SORCS3: variants seen among roughly 807,000 people sequenced by gnomAD.
SORCS3 encodes VPS10 domain-containing receptor SorCS3.
SORCS3 carries 57 observed loss-of-function variants against 146.3 expected under a neutral mutation model. The observed-to-expected ratio is 0.39, with a 90% CI of 0.31 to 0.49. The LOEUF (loss-of-function observed/expected upper bound fraction) is 0.49. Ranked by LOEUF, SORCS3 falls within the 20% of genes least tolerant of loss-of-function variation. The pLI, the probability that SORCS3 is intolerant of heterozygous loss-of-function variation, is 0.92. For missense variants in SORCS3, 1,341 were observed against 1,575.5 expected (o/e 0.85, Z 2.52); for synonymous variants, 653 against 618.5 (o/e 1.06, Z -0.83).
intron 5 of SORCS3, among the ~76,000 whole-genome samples, chr10:105,048,650 T>C (rs1224576336): frequency 1.1e-4 from 16 of 151,640 alleles, no homozygotes; most frequent in African/African-American, 2.7e-4. Flanking sequence ...CTAACCTGCA[T>C]GTTGTGCACA....
chr10:105,259,545 G>T (rs773111538), intron 25 of SORCS3, among the ~76,000 whole-genome samples: 1 of 152,126 alleles, frequency 6.6e-6, no homozygotes, highest in South Asian at 2.1e-4. Context: ...CTGGCCTCTC[G>T]CAGGCTCTCT....
chr10:105,032,430 A>G (rs1162823565), intron 4 of SORCS3, among the ~76,000 whole-genome samples: 1 of 152,172 alleles, frequency 6.6e-6, no homozygotes, highest in African/African-American at 2.4e-5. Flanking sequence ...TCCTCCATAT[A>G]TATGAGTTTC....
At chr10:105,127,696 C>T (rs2055985887) in intron 7 of SORCS3, among the ~76,000 whole-genome samples, 1 of 152,044 alleles carries the variant, frequency 6.6e-6, no homozygotes, top group African/African-American at 2.4e-5. Context: ...CAGCAAGAGA[C>T]CCCAAAAGGA....
intron 3 of SORCS3, among the ~76,000 whole-genome samples, chr10:104,922,578 AG>A (rs1316690493): frequency 6.6e-6 from 1 of 152,218 alleles, no homozygotes; most frequent in African/African-American, 2.4e-5. Flanking sequence ...TGTGAAAATG[AG>A]GGCCCAGCAT....
intron 3 of SORCS3, among the ~76,000 whole-genome samples, chr10:104,966,293 G>A (rs76383320): frequency 0.01 from 1,546 of 152,196 alleles, 24 homozygotes; most frequent in African/African-American, 0.036. Flanking sequence ...AGTAAAAGCC[G>A]TATCTACAGT....
At chr10:105,192,624 A>C (rs558515397) in intron 14 of SORCS3, among the ~76,000 whole-genome samples, 1 of 152,294 alleles carries the variant, frequency 6.6e-6, no homozygotes, top group East Asian at 1.9e-4. Context: ...ATCAAACTCA[A>C]CAATATTATC....
intron 1 of SORCS3, among the ~76,000 whole-genome samples, chr10:104,675,817 T>C (rs971478535): frequency 2.6e-5 from 4 of 152,248 alleles, no homozygotes; most frequent in Non-Finnish European, 4.4e-5. Flanking sequence ...TATCTTTTTT[T>C]CCTTCATAAT....
intron 14 of SORCS3, among the ~76,000 whole-genome samples, chr10:105,199,133 C>T (rs937185253): frequency 3.9e-5 from 6 of 152,160 alleles, no homozygotes; most frequent in Middle Eastern, 3.4e-3. Flanking sequence ...GTTTTAAGTT[C>T]GCAGCATGAT....
chr10:105,052,825 A>T (rs2055422339), intron 5 of SORCS3, among the ~76,000 whole-genome samples: 2 of 152,042 alleles, frequency 1.3e-5, no homozygotes, highest in Non-Finnish European at 1.5e-5. Flanking sequence ...TGCAGGTTGG[A>T]TACTTGGTTG....
At chr10:105,092,625 A>ACG (rs1394642931) in intron 6 of SORCS3, among the ~76,000 whole-genome samples, 2 of 151,896 alleles carry the variant, frequency 1.3e-5, no homozygotes, top group Non-Finnish European at 2.9e-5. Flanking sequence ...ACACACACAC[A>ACG]CACACACACA....
At chr10:104,877,607 A>G (rs1399659382) in intron 2 of SORCS3, among the ~76,000 whole-genome samples, 1 of 152,210 alleles carries the variant, frequency 6.6e-6, no homozygotes, top group East Asian at 1.9e-4. Flanking sequence ...CATTCTCAAT[A>G]GGCTCAGAAT....
At chr10:105,075,875 G>C (rs1266056217) in intron 5 of SORCS3, among the ~76,000 whole-genome samples, 1 of 152,164 alleles carries the variant, frequency 6.6e-6, no homozygotes, top group Non-Finnish European at 1.5e-5. Flanking sequence ...CAGTAACTTA[G>C]TCAAAACTAC....
At chr10:104,714,634 T>A (rs1242972011) in intron 1 of SORCS3, among the ~76,000 whole-genome samples, 2 of 152,244 alleles carry the variant, frequency 1.3e-5, no homozygotes, top group Non-Finnish European at 2.9e-5. Context: ...GGATTTCTAT[T>A]CTTTTAAACT....
intron 6 of SORCS3, among the ~76,000 whole-genome samples, chr10:105,100,621 CT>C (rs1364564230): frequency 6.6e-6 from 1 of 152,194 alleles, no homozygotes; most frequent in Non-Finnish European, 1.5e-5. Context: ...AGCCCATATA[CT>C]TTCTTTCTTG....
intron 2 of SORCS3, among the ~76,000 whole-genome samples, chr10:104,868,329 G>A (rs1378404793): frequency 2.0e-5 from 3 of 152,200 alleles, no homozygotes; most frequent in Non-Finnish European, 2.9e-5. Context: ...TATGAGCAAA[G>A]TTCTAACCCC....
At chr10:105,039,272 C>T (rs1252567409) in intron 4 of SORCS3, among the ~76,000 whole-genome samples, 1 of 152,084 alleles carries the variant, frequency 6.6e-6, no homozygotes, top group African/African-American at 2.4e-5. Flanking sequence ...TAACTCAAAG[C>T]CCTTAATGAA....
chr10:104,857,894 G>T (rs1377779805), intron 2 of SORCS3, among the ~76,000 whole-genome samples: 1 of 152,176 alleles, frequency 6.6e-6, no homozygotes, highest in African/African-American at 2.4e-5. Context: ...TTCATTCCTC[G>T]GTGAGGATCT....
In SORCS3 at chr10:104,907,127, C is replaced by CTGTGTGTGTG. The variant is rs139418206; in HGVS notation, c.696-8688_696-8679dup. Among the ~76,000 whole-genome samples the CTGTGTGTGTG allele has an allele frequency of 8.0e-3, 1,182 of 147,970 alleles. 10 individuals are homozygous for CTGTGTGTGTG. The highest frequency in any genetic ancestry group is 0.017 in the African/African-American group (698 of 40,186). On this transcript the variant is annotated intron_variant, in intron 2 of 26. Transcript: ENST00000369701. ...TACTCTTGAATGCTGCTGTATAGTA[C>CTGTGTGTGTG]TGTGTGTGTGTGTGTGTGTGTGTGT...
intron 3 of SORCS3, among the ~76,000 whole-genome samples, chr10:104,957,551 G>GAA (rs1363248147): frequency 4.5e-5 from 6 of 133,190 alleles, no homozygotes; most frequent in African/African-American, 1.6e-4. Flanking sequence ...AATAAGGAAA[G>GAA]AAAACACACA....
Sources: allele counts gnomAD v4.1 joint callset (sites outside exome capture counted in the v4.1 genomes callset), GRCh38; gene constraint gnomAD v4.1.1; transcripts MANE v1.5; gene names NCBI Gene and HGNC (gene_info 2026-07-23, HGNC 2026-07-21).